Variants in ACTR3C observed in about 807,000 individuals in gnomAD.
ACTR3C encodes the protein actin-related protein 3C.
ACTR3C carries 18 observed loss-of-function variants against 26.3 expected under a neutral mutation model. That is an observed-to-expected ratio of 0.68 (90% CI 0.47 to 1.01). ACTR3C has a LOEUF of 1.01. Among genes scored for constraint, ACTR3C ranks in the 50% least tolerant of loss-of-function variants. The pLI is 0.00. For missense variants in ACTR3C, 184 were observed against 250.7 expected, an observed-to-expected ratio of 0.73 and a Z score of 1.80; for synonymous variants, 55 against 94.5, an observed-to-expected ratio of 0.58 and a Z score of 2.42.
the ACTR3C span, among the ~76,000 whole-genome samples, chr7:149,998,660 C>T: frequency 6.7e-6 from 1 of 150,086 alleles, no homozygotes; most frequent in African/African-American, 2.4e-5. Flanking sequence ...AAATTACCTC[C>T]CACAGGGTCC....
At chr7:150,048,387 G>A in the ACTR3C span, among the ~76,000 whole-genome samples, 149 of 152,152 alleles carry the variant, frequency 9.8e-4, no homozygotes, top group African/African-American at 3.4e-3. Context: ...TGGGTGGCAG[G>A]GGTTGGCAGC....
chr7:149,885,592 C>T, the ACTR3C span, among the ~76,000 whole-genome samples: 1 of 152,250 alleles, frequency 6.6e-6, no homozygotes, highest in South Asian at 2.1e-4. Flanking sequence ...CCTTGGCTCC[C>T]TAACCTCAGG....
chr7:150,042,481 C>T, the ACTR3C span, among the ~76,000 whole-genome samples: 38,866 of 142,212 alleles, frequency 0.27, 4,611 homozygotes, highest in East Asian at 0.55. Flanking sequence ...GGGGGAGGTT[C>T]GCAGTCCCCG....
chr7:150,149,358 A>T, the ACTR3C span, among the ~76,000 whole-genome samples: 1 of 151,394 alleles, frequency 6.6e-6, no homozygotes, highest in Admixed American at 6.6e-5. Flanking sequence ...TTTTATTATT[A>T]TTATACTTTA....
At chr7:150,127,669 GT>G in the ACTR3C span, among the ~76,000 whole-genome samples, 19 of 149,468 alleles carry the variant, frequency 1.3e-4, no homozygotes, top group African/African-American at 3.3e-4. Context: ...TTATTGTACT[GT>G]TTTTTTTCTT....
chr7:150,286,343 CA>C (rs1448588672), intron 5 of ACTR3C, 23 bp downstream of exon 5: 7 of 1,611,440 alleles, frequency 4.3e-6, no homozygotes, highest in Non-Finnish European at 5.9e-6. Flanking sequence ...CACACTTGAG[CA>C]CACAAAAAAA....
the ACTR3C span, among the ~76,000 whole-genome samples, chr7:149,928,689 A>G: frequency 6.6e-6 from 1 of 151,282 alleles, no homozygotes; most frequent in Non-Finnish European, 1.5e-5. Context: ...TAAAAATACA[A>G]AAAAACAGCC....
the ACTR3C span, among the ~76,000 whole-genome samples, chr7:150,041,787 C>T: frequency 1.2e-4 from 15 of 123,074 alleles, no homozygotes; most frequent in Admixed American, 9.2e-4. Flanking sequence ...GTCCCTGCCT[C>T]GCGGGGGGTG....
At chr7:150,098,437 G>A in the ACTR3C span, among the ~76,000 whole-genome samples, 2 of 151,920 alleles carry the variant, frequency 1.3e-5, no homozygotes, top group East Asian at 3.9e-4. Context: ...AAGGCTCATT[G>A]TCCGTAGGAT....
At chr7:150,138,273 CA>C in the ACTR3C span, among the ~76,000 whole-genome samples, 1 of 152,042 alleles carries the variant, frequency 6.6e-6, no homozygotes, top group Non-Finnish European at 1.5e-5. Context: ...AAGAGAAGCA[CA>C]AAAGACGAGA....
At chr7:150,048,270 C>A in the ACTR3C span, among the ~76,000 whole-genome samples, 9 of 152,318 alleles carry the variant, frequency 5.9e-5, no homozygotes, top group South Asian at 2.1e-4. Flanking sequence ...ACATTCCGAG[C>A]GCTCTCCTCG....
At chr7:150,023,310 G>GATACATACATAC in the ACTR3C span, among the ~76,000 whole-genome samples, 10 of 70,728 alleles carry the variant, frequency 1.4e-4, no homozygotes, top group African/African-American at 5.4e-4. Flanking sequence ...TAGATAGATA[G>GATACATACATAC]ATAGATACAT....
At chr7:150,037,753 C>CTG in the ACTR3C span, among the ~76,000 whole-genome samples, 671 of 37,896 alleles carry the variant, frequency 0.018, 26 homozygotes, top group East Asian at 0.11. Flanking sequence ...TCAGTCCCCA[C>CTG]CCTCGCGGGG....
chr7:150,189,270 A>C, the ACTR3C span, among the ~76,000 whole-genome samples: 1 of 152,170 alleles, frequency 6.6e-6, no homozygotes, highest in Non-Finnish European at 1.5e-5. Context: ...ATCAAGTCAA[A>C]GTAATGCTTT....
the ACTR3C span, among the ~76,000 whole-genome samples, chr7:150,180,604 C>T: frequency 2.7e-5 from 4 of 147,528 alleles, no homozygotes; most frequent in Non-Finnish European, 4.4e-5. Flanking sequence ...GCTCCGCCTC[C>T]CGGGTTCACG....
the ACTR3C span, among the ~76,000 whole-genome samples, chr7:149,981,441 T>C: frequency 4.6e-5 from 7 of 151,154 alleles, 1 homozygote; most frequent in Admixed American, 2.6e-4. Context: ...AATGGCTTCC[T>C]AGTCTGATGA....
At chr7:149,947,186 C>T in the ACTR3C span, among the ~76,000 whole-genome samples, 1 of 149,904 alleles carries the variant, frequency 6.7e-6, no homozygotes, top group African/African-American at 2.5e-5. Context: ...CCTATCCTAG[C>T]AGTTAAATTG....
intron 1 of ACTR3C, among the ~76,000 whole-genome samples, chr7:150,304,871 G>A (rs1425701562): frequency 1.3e-5 from 2 of 151,926 alleles, no homozygotes; most frequent in African/African-American, 2.4e-5. Context: ...CCAGAACAAT[G>A]AGGCCAAATA....
At chr7:149,988,793 CA>C in the ACTR3C span, among the ~76,000 whole-genome samples, 1 of 152,236 alleles carries the variant, frequency 6.6e-6, no homozygotes, top group Non-Finnish European at 1.5e-5. Flanking sequence ...GGCTGAGGGA[CA>C]AGGTGCCCCT....
Sources: gnomAD v4.1 joint callset for allele counts (sites outside exome capture counted in the v4.1 genomes callset) on GRCh38, gnomAD v4.1.1 for gene constraint, MANE v1.5 for transcripts, NCBI Gene and HGNC (gene_info 2026-07-23, HGNC 2026-07-21) for gene names.